Variants in INTU observed in about 807,000 individuals in gnomAD.
INTU encodes protein inturned.
A neutral mutation model predicts 100.5 loss-of-function variants in INTU; 68 were observed. That is an observed-to-expected ratio of 0.68 (90% confidence interval 0.56 to 0.83). The LOEUF (loss-of-function observed/expected upper bound fraction) is 0.83, where lower values mean the gene tolerates loss of function less well. INTU is among the 40% of genes least tolerant of loss of function. The pLI, the probability that INTU is intolerant of heterozygous loss-of-function variation, is 0.00. For missense variants in INTU, 1,071 were observed against 1,114.7 expected, an observed-to-expected ratio of 0.96 and a Z score of 0.56; for synonymous variants, 357 against 395.7, an observed-to-expected ratio of 0.90 and a Z score of 1.16.
At chr4:127,705,836 T>C (rs1416823261) in intron 11 of INTU, 24 bp downstream of exon 11, 1 of 1,573,560 alleles carries the variant, frequency 6.4e-7, no homozygotes, top group Non-Finnish European at 8.7e-7. Context: ...AGCTTCTTTC[T>C]TAGGATTTTT....
chr4:127,712,318 G>A (rs1731123129), intron 14 of INTU, among the ~76,000 whole-genome samples: 1 of 152,020 alleles, frequency 6.6e-6, no homozygotes. Context: ...AAAATACTGT[G>A]TTTGACCCTA....
chr4:127,663,902 C>T (rs1728585841), intron 4 of INTU, among the ~76,000 whole-genome samples: 1 of 151,896 alleles, frequency 6.6e-6, no homozygotes, highest in Admixed American at 6.6e-5. Context: ...GATATGTTTC[C>T]TTGAATTATT....
intron 5 of INTU, among the ~76,000 whole-genome samples, chr4:127,673,922 T>G (rs913254434): frequency 1.0e-4 from 14 of 136,522 alleles, no homozygotes; most frequent in African/African-American, 3.7e-4. Context: ...TGTTTTTTTG[T>G]TTTTTTTTTT....
chr4:127,654,545 T>C (rs1728081734), intron 2 of INTU, among the ~76,000 whole-genome samples: 1 of 152,206 alleles, frequency 6.6e-6, no homozygotes, highest in Admixed American at 6.5e-5. Flanking sequence ...ATGTTGAATA[T>C]TGGCCCCCAC....
chr4:127,675,186 T>C (rs2126214015), intron 6 of INTU, among the ~76,000 whole-genome samples: 1 of 152,354 alleles, frequency 6.6e-6, no homozygotes, highest in Non-Finnish European at 1.5e-5. Context: ...AAACACACTT[T>C]AGTTTTCTCC....
intron 14 of INTU, 139 bp from the exon 15 acceptor site, chr4:127,713,797 G>C (rs1017003813): frequency 1.7e-6 from 1 of 578,960 alleles, no homozygotes; most frequent in Non-Finnish European, 2.9e-6. Flanking sequence ...AGGAAGAGTA[G>C]AAATTTTCCT....
intron 11 of INTU, 37 bp from the exon 12 acceptor site, chr4:127,706,450 G>A (rs1177374234): frequency 6.6e-7 from 1 of 1,523,124 alleles, no homozygotes; most frequent in South Asian, 1.2e-5. Context: ...TATTTTCATG[G>A]TAGCTAAACC....
chr4:127,698,756 A>G (rs1404717195), intron 8 of INTU, among the ~76,000 whole-genome samples: 2 of 152,192 alleles, frequency 1.3e-5, no homozygotes, highest in Non-Finnish European at 2.9e-5. Context: ...ATAAACAAAC[A>G]TATATATTAA....
intron 11 of INTU, among the ~76,000 whole-genome samples, chr4:127,706,231 T>A (rs1395744931): frequency 6.6e-6 from 1 of 152,188 alleles, no homozygotes; most frequent in African/African-American, 2.4e-5. Context: ...TTGACAGCTA[T>A]CTTAGGGAAT....
chr4:127,694,783 A>G (rs899614648), intron 8 of INTU, among the ~76,000 whole-genome samples: 1 of 152,126 alleles, frequency 6.6e-6, no homozygotes, highest in Non-Finnish European at 1.5e-5. Flanking sequence ...TGCTCTTTAC[A>G]TTGTATTTGT....
At chr4:127,675,292 C>T (rs913640672) in intron 6 of INTU, among the ~76,000 whole-genome samples, 2 of 152,224 alleles carry the variant, frequency 1.3e-5, no homozygotes, top group Admixed American at 6.5e-5. Context: ...TCAGAGAATA[C>T]CAGTTGAGAT....
At chr4:127,653,004 T>A (rs1383239486) in intron 2 of INTU, among the ~76,000 whole-genome samples, 1 of 151,520 alleles carries the variant, frequency 6.6e-6, no homozygotes, top group Non-Finnish European at 1.5e-5. Context: ...CTAGTTTATT[T>A]GCGTAGAGGT....
chr4:127,684,702 T>C (rs1352915673), intron 7 of INTU, among the ~76,000 whole-genome samples: 5 of 151,668 alleles, frequency 3.3e-5, no homozygotes, highest in Admixed American at 6.6e-5. Context: ...TCCACCTCCT[T>C]CTTTTTCTCC....
intron 6 of INTU, chr4:127,675,894 C>A: frequency 3.2e-6 from 1 of 315,210 alleles, no homozygotes. Flanking sequence ...TTCCACCATT[C>A]TGTTTGTTAG....
At chr4:127,687,487 TA>T in intron 7 of INTU, 190 bp from the exon 8 acceptor site, 1 of 417,220 alleles carries the variant, frequency 2.4e-6, no homozygotes, top group Non-Finnish European at 4.3e-6. Flanking sequence ...GGTTTTAGGG[TA>T]AAAAGTTTGG....
At chr4:127,634,312 G>T (rs201603470) in intron 1 of INTU, among the ~76,000 whole-genome samples, 45 of 152,256 alleles carry the variant, frequency 3.0e-4, no homozygotes, top group Middle Eastern at 3.4e-3. Flanking sequence ...AACCTTATTT[G>T]GTCTTGGTAT....
At chr4:127,648,570 C>T (rs771582279) in intron 2 of INTU, among the ~76,000 whole-genome samples, 1 of 152,166 alleles carries the variant, frequency 6.6e-6, no homozygotes, top group Non-Finnish European at 1.5e-5. Context: ...TTTGGCACAT[C>T]ATCCAATGGA....
At chr4:127,651,118 G>A (rs1727848807) in intron 2 of INTU, among the ~76,000 whole-genome samples, 1 of 151,646 alleles carries the variant, frequency 6.6e-6, no homozygotes, top group Non-Finnish European at 1.5e-5. Flanking sequence ...CTGGATATTA[G>A]CCCTTTGTCA....
intron 9 of INTU, among the ~76,000 whole-genome samples, chr4:127,700,326 A>G (rs1730593552): frequency 1.3e-5 from 2 of 152,208 alleles, no homozygotes; most frequent in South Asian, 4.1e-4. Context: ...GAAAATAAAT[A>G]TAGATGTAAT....
Sources: allele counts gnomAD v4.1 joint callset (sites outside exome capture counted in the v4.1 genomes callset), GRCh38; gene constraint gnomAD v4.1.1; transcripts MANE v1.5; gene names NCBI Gene and HGNC (gene_info 2026-07-23, HGNC 2026-07-21).